MGMT: variants seen among roughly 807,000 people sequenced by gnomAD.
MGMT encodes O-6-methylguanine-DNA methyltransferase.
In MGMT, 14 loss-of-function variants were observed where a neutral mutation model predicts 15.9. The observed-to-expected ratio is 0.88, with a 90% CI of 0.58 to 1.37. The LOEUF is 1.37. Ranked by LOEUF, MGMT falls within the 40% of genes most tolerant of loss-of-function variation. The pLI is 0.00. For missense variants in MGMT, 282 were observed against 268.1 expected (o/e 1.05, Z -0.36); for synonymous variants, 130 against 118.2 (o/e 1.10, Z -0.65).
At chr10:129,502,860 G>A (rs570756489) in intron 1 of MGMT, among the ~76,000 whole-genome samples, 5 of 152,200 alleles carry the variant, frequency 3.3e-5, no homozygotes, top group South Asian at 4.2e-4. Flanking sequence ...AAGCCTTAGC[G>A]AGGCAGCTGT....
chr10:129,522,355 G>C (rs1270862321), intron 1 of MGMT, among the ~76,000 whole-genome samples: 2 of 152,210 alleles, frequency 1.3e-5, no homozygotes, highest in Non-Finnish European at 2.9e-5. Context: ...GGCCAGAAGT[G>C]CCTGTAGGCT....
intron 2 of MGMT, among the ~76,000 whole-genome samples, chr10:129,663,146 T>C (rs1439943390): frequency 6.6e-6 from 1 of 152,228 alleles, no homozygotes; most frequent in African/African-American, 2.4e-5. Context: ...AATTAGGTTA[T>C]GAAGAAAAGT....
intron 2 of MGMT, among the ~76,000 whole-genome samples, chr10:129,558,814 T>G (rs969340695): frequency 6.6e-6 from 1 of 152,218 alleles, no homozygotes; most frequent in Admixed American, 6.5e-5. Flanking sequence ...GAAAAGTGTG[T>G]CAGATCATTT....
chr10:129,679,364 C>A (rs1029963949), intron 2 of MGMT, among the ~76,000 whole-genome samples: 2 of 149,894 alleles, frequency 1.3e-5, no homozygotes. Flanking sequence ...TGGGACCCTG[C>A]GGGCTTCCAC....
chr10:129,756,564 G>A (rs985046412), intron 3 of MGMT, among the ~76,000 whole-genome samples: 1 of 152,204 alleles, frequency 6.6e-6, no homozygotes, highest in East Asian at 1.9e-4. Context: ...CTGCCTCCCG[G>A]GTTCAAGTGA....
At chr10:129,513,124 T>A (rs1010337518) in intron 1 of MGMT, among the ~76,000 whole-genome samples, 1 of 152,174 alleles carries the variant, frequency 6.6e-6, no homozygotes, top group African/African-American at 2.4e-5. Context: ...TTAAAGACAT[T>A]ACGCTGAGTG....
chr10:129,652,384 C>A (rs896824220), intron 2 of MGMT, among the ~76,000 whole-genome samples: 2 of 152,080 alleles, frequency 1.3e-5, no homozygotes, highest in African/African-American at 4.8e-5. Context: ...GGTGGGTCCC[C>A]TGGGTGACTC....
intron 3 of MGMT, among the ~76,000 whole-genome samples, chr10:129,743,198 GC>G (rs1200492443): frequency 6.6e-6 from 1 of 152,148 alleles, no homozygotes; most frequent in South Asian, 2.1e-4. Context: ...CAAGACCCAG[GC>G]CCACCTGTCA....
intron 2 of MGMT, chr10:129,564,169 C>CCCCTTCCTCCTT (rs1225882109): frequency 8.1e-6 from 1 of 123,216 alleles, no homozygotes. Flanking sequence ...TCCTCCCCCT[C>CCCCTTCCTCCTT]CCCCTCCCTT....
chr10:129,752,196 TTGA>T (rs1848757192), intron 3 of MGMT, among the ~76,000 whole-genome samples: 1 of 152,066 alleles, frequency 6.6e-6, no homozygotes, highest in Non-Finnish European at 1.5e-5. Context: ...ACATTTAGAA[TTGA>T]TGATTTCTTT....
chr10:129,625,727 G>A lies in MGMT; in HGVS notation c.126-82168G>A, dbSNP rs1052457831. On this transcript the variant is annotated intron_variant, in intron 2 of 4. Transcript: ENST00000651593. ...ACAGCGTGTATACGAGTGTGCACAC[G>A]TGTGTGTGCGTGTGTGTGCATGCAT... 6.4e-3 allele frequency among the ~76,000 whole-genome samples: 16 copies of A among 2,512 alleles called. No individual in the cohort carries two copies. The Non-Finnish European group carries it at 0.19, about 30-fold the overall frequency. The allele number at this position is 2,512 out of a possible 152,430, so 1.6% of individuals were successfully genotyped here.
chr10:129,564,740 T>TCCTGTTGTG (rs200095457), intron 2 of MGMT, among the ~76,000 whole-genome samples: 4,633 of 145,758 alleles, frequency 0.032, 122 homozygotes, highest in South Asian at 0.061. Flanking sequence ...TCCTCTGTCT[T>TCCTGTTGTG]CCTGTTTTCT....
rs1252326466 is a variant in MGMT at position 129,769,826 on chromosome 10, TG to T, written c.*2830del. On this transcript the variant is annotated 3_prime_UTR_variant, in exon 5 of 5. Transcript: ENST00000651593. The stretch of plus-strand genomic sequence containing the variant: ...AAGAGAAGCTATGACCGTGCAAACA[TG>T]CATGTTATGGTGTTGGCTGATGCGG... Among the ~76,000 whole-genome samples, 1 of 152,104 alleles carries T rather than the reference TG, an allele frequency of 6.6e-6. No individual in the cohort carries two copies. Among genetic ancestry groups the T allele is most frequent in the Non-Finnish European group, 1.5e-5 (1 of 68,018 alleles).
At chr10:129,750,863 T>A (rs1302699971) in intron 3 of MGMT, among the ~76,000 whole-genome samples, 2 of 152,132 alleles carry the variant, frequency 1.3e-5, no homozygotes, top group Non-Finnish European at 2.9e-5. Flanking sequence ...AATGTAGATT[T>A]ATTTTCAAAT....
chr10:129,708,110 A>T, intron 3 of MGMT, 67 bp downstream of exon 3: 3 of 1,533,740 alleles, frequency 2.0e-6, no homozygotes, highest in Non-Finnish European at 2.6e-6. Flanking sequence ...CGCTGACATC[A>T]CAGTTCATTT....
At chr10:129,568,113 C>T (rs1441103622) in intron 2 of MGMT, among the ~76,000 whole-genome samples, 4 of 152,194 alleles carry the variant, frequency 2.6e-5, no homozygotes, top group South Asian at 2.1e-4. Context: ...AGGAATGGGC[C>T]GAGACAGCCT....
chr10:129,728,524 G>A (rs1848459224), intron 3 of MGMT, among the ~76,000 whole-genome samples: 1 of 152,056 alleles, frequency 6.6e-6, no homozygotes, highest in Non-Finnish European at 1.5e-5. Context: ...ATTCTGCTTG[G>A]TCTCCTGACG....
chr10:129,564,332 C>G (rs1257653027), intron 2 of MGMT, among the ~76,000 whole-genome samples: 1 of 45,724 alleles, frequency 2.2e-5, no homozygotes, highest in African/African-American at 8.9e-5. Context: ...CCCCTCTTTC[C>G]TCCCCCTCTT....
chr10:129,625,706 C>T (rs1847139172), intron 2 of MGMT, among the ~76,000 whole-genome samples: 1 of 145,924 alleles, frequency 6.9e-6, no homozygotes, highest in Non-Finnish European at 1.5e-5. Flanking sequence ...TACATGACAG[C>T]GTGTATACGA....
Sources: gnomAD v4.1 joint callset for allele counts (sites outside exome capture counted in the v4.1 genomes callset) on GRCh38, gnomAD v4.1.1 for gene constraint, MANE v1.5 for transcripts, NCBI Gene and HGNC (gene_info 2026-07-23, HGNC 2026-07-21) for gene names.